Variants in OSBPL5 observed in about 807,000 individuals in gnomAD.
The protein encoded by OSBPL5 is oxysterol-binding protein-related protein 5.
OSBPL5 carries 71 observed loss-of-function variants against 111.2 expected under a neutral mutation model. That is an observed-to-expected ratio of 0.64 (90% CI 0.53 to 0.78). OSBPL5 has a LOEUF of 0.78. Among genes scored for constraint, OSBPL5 ranks in the 30% least tolerant of loss-of-function variants. OSBPL5 has a pLI of 0.00. For missense variants in OSBPL5, 1,210 were observed against 1,189.3 expected (o/e 1.02, Z -0.26); for synonymous variants, 549 against 513.9 (o/e 1.07, Z -0.93).
intron 1 of OSBPL5, among the ~76,000 whole-genome samples, chr11:3,134,459 G>A (rs1845896699): frequency 6.6e-6 from 1 of 152,130 alleles, no homozygotes; most frequent in Non-Finnish European, 1.5e-5. Flanking sequence ...TCCAGAGTGA[G>A]CCAGGCCCAC....
In OSBPL5 at chr11:3,119,199, C is replaced by A. The variant is rs191668352; in HGVS notation, c.691+348G>T. On this transcript the variant is annotated intron_variant, in intron 7 of 21. Coordinates refer to ENST00000263650, the MANE Select transcript of OSBPL5 (RefSeq NM_020896.4). ...TAATTTTTGTATTTTTTAGTAGAGTCGGGGTTTCACCATGTTGGCCAGGCT... is the reference window on the plus strand; with the variant it reads ...TAATTTTTGTATTTTTTAGTAGAGTAGGGGTTTCACCATGTTGGCCAGGCT... Among the ~76,000 whole-genome samples the A allele has an allele frequency of 4.8e-3, 731 of 151,626 alleles. 2 individuals carry two copies. The highest frequency in any genetic ancestry group is 7.3e-3 in the Non-Finnish European group (497 of 67,856).
chr11:3,092,377 G>T lies in OSBPL5; in HGVS notation c.2259+55C>A, dbSNP rs1453235899. ...AGTGAGGTGAGGAGCGAGGGGTGGTGGTGGCCACACGTGCAGCTAAGACCA... is the reference window on the plus strand; with the variant it reads ...AGTGAGGTGAGGAGCGAGGGGTGGTTGTGGCCACACGTGCAGCTAAGACCA... On this transcript the variant is annotated intron_variant, in intron 19 of 21. Transcript: ENST00000263650. This position sits in a 1 kb window ranked among gnomAD's most constrained non-coding sequence, Gnocchi z 5.4. The T allele has an allele frequency of 2.0e-6, 3 of 1,511,882 alleles. No individual in the cohort carries two copies. The East Asian group carries it at 7.2e-5, about 37-fold the overall frequency. The allele number at this position is 1,511,882 out of a possible 1,614,324, so 93.7% of individuals were successfully genotyped here.
chr11:3,104,388 C>G lies in OSBPL5; in HGVS notation c.1060-11G>C, dbSNP rs538160400. 6 of 1,606,170 alleles carry G rather than the reference C, an allele frequency of 3.7e-6. No homozygotes were observed. The highest frequency in any genetic ancestry group is 2.2e-5 in the South Asian group (2 of 90,900). On this transcript the variant is annotated splice_polypyrimidine_tract_variant and intron_variant, in intron 9 of 21. Coordinates refer to ENST00000263650, the MANE Select transcript of OSBPL5 (RefSeq NM_020896.4). The surrounding 1 kb of genome is among the most constrained non-coding windows in gnomAD (Gnocchi z 5.0). ...GGACGCCTCGCCCAGCTGCAGCAGA[C>G]AGGCTGCAGTCAGGCCCTGCCCGGA... is the stretch of plus-strand genomic sequence containing the variant.
At position 3,092,541 on chromosome 11, in the gene OSBPL5, G is replaced by T; in HGVS notation, c.2150C>A (p.Pro717His). Residue 717 changes from proline (P) to histidine (H), a missense_variant, in exon 19 of 22, where the codon CCC (proline) becomes CAC (histidine). Transcript: ENST00000263650. The surrounding 1 kb of genome is among the most constrained non-coding windows in gnomAD (Gnocchi z 5.4). Reference protein sequence around the residue: ...YRYEDHSPWDPLKDIAQFEQD... With the variant: ...YRYEDHSPWDHLKDIAQFEQD... ...CTCAAACTGGGCGATGTCCTTCAGG[G>T]GGTCCCAGGGGCTGTGGCTGGAGGG... 3 of 1,591,150 alleles carry T rather than the reference G, an allele frequency of 1.9e-6. No individual in the cohort carries two copies. The highest frequency in any genetic ancestry group is 2.6e-6 in the Non-Finnish European group (3 of 1,169,018).
At chr11:3,111,957 GTGTGTGTGTGTGCATATGTGTGCGCGCA>G (rs1857956937) in intron 7 of OSBPL5, among the ~76,000 whole-genome samples, 3 of 147,288 alleles carry the variant, frequency 2.0e-5, no homozygotes, top group Non-Finnish European at 4.5e-5. Context: ...TCCAAGCTGT[GTGTGTGTGTGTGCATATGTGTGCGCGCA>G]TGTGTGTGCA....
chr11:3,108,970 G>A (rs778177935), intron 7 of OSBPL5, among the ~76,000 whole-genome samples: 1 of 152,158 alleles, frequency 6.6e-6, no homozygotes, highest in Non-Finnish European at 1.5e-5. Context: ...GTTTCCTCAT[G>A]TTGGTCAGGC....
intron 14 of OSBPL5, among the ~76,000 whole-genome samples, chr11:3,099,190 G>A (rs978602286): frequency 4.6e-5 from 7 of 152,250 alleles, no homozygotes; most frequent in African/African-American, 1.2e-4. Context: ...ATGACATTCC[G>A]GAAAAAGCCA....
At position 3,121,019 on chromosome 11, in the gene OSBPL5, A is replaced by G. The variant is rs35879607; in HGVS notation, c.403-395T>C. Among the ~76,000 whole-genome samples the G allele has an allele frequency of 3.3e-5, 5 of 151,496 alleles. 1 individual carries two copies. The highest frequency in any genetic ancestry group is 2.1e-4 in the South Asian group (1 of 4,798). On this transcript the variant is annotated intron_variant, in intron 5 of 21. Transcript: ENST00000263650. The surrounding 1 kb of genome is among the most constrained non-coding windows in gnomAD (Gnocchi z 4.3). The stretch of plus-strand genomic sequence containing the variant: ...AGGTCAAGGGCCTCAGGGAGGAACC[A>G]GCAATGAGTGGTGTGACTTGTAACT...
rs1399274504 is a variant in OSBPL5, at chr11:3,162,144, G to T, written c.-22+3072C>A. ...AGTGGTTTATCTTTTTAAACACCAT[G>T]CTGGCTGCTGGCTGGAGAAGGGCTA... On this transcript the variant is annotated intron_variant, in intron 1 of 21. Transcript: ENST00000263650. The surrounding 1 kb of genome is among the most constrained non-coding windows in gnomAD (Gnocchi z 8.1). 2.6e-5 allele frequency among the ~76,000 whole-genome samples: 4 copies of T among 152,184 alleles called. No homozygotes were observed. The highest frequency in any genetic ancestry group is 5.9e-5 in the Non-Finnish European group (4 of 68,032).
At chr11:3,160,701 G>A in intron 1 of OSBPL5, among the ~76,000 whole-genome samples, 1 of 108,244 alleles carries the variant, frequency 9.2e-6, no homozygotes, top group East Asian at 3.4e-4. Flanking sequence ...CCCACACCGA[G>A]CGCCGTATTC....
intron 1 of OSBPL5, among the ~76,000 whole-genome samples, chr11:3,137,956 C>G (rs1530583): frequency 0.71 from 108,374 of 152,192 alleles, 39,316 homozygotes; most frequent in African/African-American, 0.81. Flanking sequence ...GAGGGGGAGG[C>G]CAGGCCTCCC....
chr11:3,118,859 GCAC>G (rs1206050793), intron 7 of OSBPL5, among the ~76,000 whole-genome samples: 1 of 150,762 alleles, frequency 6.6e-6, no homozygotes, highest in East Asian at 2.0e-4. Flanking sequence ...GTGAGCCACT[GCAC>G]CCGGCCTGGC....
rs1024316072 is a variant in OSBPL5, at chr11:3,087,718, AG to A, written c.*486del. The A allele has an allele frequency of 2.6e-5, 4 of 153,156 alleles. No homozygotes were observed. The highest frequency in any genetic ancestry group is 9.6e-5 in the African/African-American group (4 of 41,478). The allele number at this position is 153,156 out of a possible 1,614,324, so 9.5% of individuals were successfully genotyped here. A position where few individuals can be genotyped will look rare whatever the true frequency, so the allele number is the denominator to read the frequency against. On this transcript the variant is annotated 3_prime_UTR_variant, in exon 22 of 22. Transcript: ENST00000263650. ...CCTGGCACCCACCAGTGGCCCCACCAGGGTGGTCCCGGCAATGTGGACAGGG... is the reference window on the plus strand; with the variant it reads ...CCTGGCACCCACCAGTGGCCCCACCAGGTGGTCCCGGCAATGTGGACAGGG...
chr11:3,103,611 C>A (rs573468959), intron 10 of OSBPL5, among the ~76,000 whole-genome samples: 40 of 152,152 alleles, frequency 2.6e-4, no homozygotes, highest in Non-Finnish European at 4.6e-4. Flanking sequence ...TGCTCTTGTT[C>A]CCACCTGCTC....
At chr11:3,163,536 G>GC (rs1326992112) in intron 1 of OSBPL5, among the ~76,000 whole-genome samples, 2 of 147,584 alleles carry the variant, frequency 1.4e-5, no homozygotes, top group Admixed American at 1.3e-4. Context: ...GGGTGGGGGG[G>GC]GCGGTCTTGC....
rs139723669 is a variant in OSBPL5 at position 3,141,303 on chromosome 11, CG to C, written c.-21-12135del. ...TTTGACCAAGCGCCTCCTGCTCACCCGGGAACACACCCTCGGGTCCAGCATC... is the reference window on the plus strand; with the variant it reads ...TTTGACCAAGCGCCTCCTGCTCACCCGGAACACACCCTCGGGTCCAGCATC... On this transcript the variant is annotated intron_variant, in intron 1 of 21. Coordinates refer to ENST00000263650, the MANE Select transcript of OSBPL5 (RefSeq NM_020896.4). The surrounding 1 kb of genome is among the most constrained non-coding windows in gnomAD (Gnocchi z 6.5). 2.8e-3 allele frequency among the ~76,000 whole-genome samples: 428 copies of C among 152,200 alleles called. 2 individuals carry two copies. The highest frequency in any genetic ancestry group is 9.8e-3 in the African/African-American group (409 of 41,530).
rs1163341151 is a variant in OSBPL5 at position 3,094,530 on chromosome 11, TGGGGGTG to T, written c.1622-203_1622-197del. On this transcript the variant is annotated intron_variant, in intron 14 of 21. Transcript: ENST00000263650. ...GCAGAACCCCACAGGGAGAGGCTGGTGGGGGTGCGGAGCCTGGGAGGTGCGGAGCCTG... is the reference window on the plus strand; with the variant it reads ...GCAGAACCCCACAGGGAGAGGCTGGTCGGAGCCTGGGAGGTGCGGAGCCTG... The T allele has an allele frequency of 3.4e-5, 19 of 558,422 alleles. No individual in the cohort carries two copies. The South Asian group carries it at 3.7e-4, about 11-fold the overall frequency. 34.6% of individuals were successfully genotyped at this position (558,422 alleles called of 1,614,324 possible). A position where few individuals can be genotyped will look rare whatever the true frequency, so the allele number is the denominator to read the frequency against.
In OSBPL5 at chr11:3,092,419, G is replaced by A. The variant is rs747233805; in HGVS notation, c.2259+13C>T. 8 of 1,571,030 alleles carry A rather than the reference G, an allele frequency of 5.1e-6. No homozygotes were observed. In the South Asian group the frequency reaches 5.8e-5, roughly 11 times the overall value. On this transcript the variant is annotated intron_variant, in intron 19 of 21. Transcript: ENST00000263650. The surrounding 1 kb of genome is among the most constrained non-coding windows in gnomAD (Gnocchi z 5.4). ...CTAAGACCAGCCCTGGGTGGGGCCT[G>A]TGGGGTGCTGACCTCGTGCCTGGGC...
chr11:3,089,131 C>T (rs946981327), intron 21 of OSBPL5, among the ~76,000 whole-genome samples: 6 of 152,212 alleles, frequency 3.9e-5, no homozygotes, highest in Admixed American at 6.5e-5. Context: ...CCAGGGAGCA[C>T]CTTCTGGAAA....
Sources: allele counts gnomAD v4.1 joint callset (sites outside exome capture counted in the v4.1 genomes callset), GRCh38; gene constraint gnomAD v4.1.1; non-coding constraint Gnocchi (gnomAD v3.1); transcripts MANE v1.5; gene names NCBI Gene and HGNC (gene_info 2026-07-23, HGNC 2026-07-21).